TASP1: variants seen among roughly 807,000 people sequenced by gnomAD.
TASP1 encodes the protein threonine aspartase 1.
Under a neutral mutation model 56.6 loss-of-function variants are expected in TASP1, and 16 were observed. That is an observed-to-expected ratio of 0.28 (90% CI 0.19 to 0.43). The LOEUF (loss-of-function observed/expected upper bound fraction) is 0.43. Among genes scored for constraint, TASP1 ranks in the 20% least tolerant of loss-of-function variants. TASP1 has a pLI of 1.00. For missense variants in TASP1, 393 were observed against 511.6 expected, an observed-to-expected ratio of 0.77 and a Z score of 2.24; for synonymous variants, 179 against 184.2, an observed-to-expected ratio of 0.97 and a Z score of 0.23.
the TASP1 span, among the ~76,000 whole-genome samples, chr20:13,162,641 T>A: frequency 6.6e-6 from 1 of 152,230 alleles, no homozygotes; most frequent in South Asian, 2.1e-4. Flanking sequence ...CAATACTTAA[T>A]GTCTCCCTCT....
chr20:13,132,904 C>G, the TASP1 span: 1 of 153,162 alleles, frequency 6.5e-6, no homozygotes, highest in Non-Finnish European at 1.5e-5. Context: ...ATCTACCCTT[C>G]TCATGAAGTT....
At chr20:13,178,136 A>G in the TASP1 span, among the ~76,000 whole-genome samples, 2 of 152,210 alleles carry the variant, frequency 1.3e-5, no homozygotes, top group East Asian at 3.8e-4. Flanking sequence ...CAAAGGGTCA[A>G]CAAATACATG....
intron 10 of TASP1, among the ~76,000 whole-genome samples, chr20:13,526,612 C>A (rs1251328384): frequency 1.3e-5 from 2 of 152,138 alleles, no homozygotes; most frequent in Non-Finnish European, 1.5e-5. Flanking sequence ...TTCGATTCAA[C>A]ATTAATTCAT....
At chr20:13,361,463 C>T in the TASP1 span, among the ~76,000 whole-genome samples, 1 of 152,264 alleles carries the variant, frequency 6.6e-6, no homozygotes, top group East Asian at 1.9e-4. Context: ...GTAGAATGGA[C>T]TAAAGGTCTT....
the TASP1 span, chr20:13,126,620 G>A: frequency 1.6e-5 from 26 of 1,613,532 alleles, no homozygotes; most frequent in Middle Eastern, 3.3e-4. Flanking sequence ...GGGTTCACTC[G>A]CATAGTGCTG....
chr20:13,198,355 CGTT>C, the TASP1 span, among the ~76,000 whole-genome samples: 1 of 152,058 alleles, frequency 6.6e-6, no homozygotes, highest in Non-Finnish European at 1.5e-5. Context: ...GCTGACTTCT[CGTT>C]GTATCCCAAC....
Position 13,612,491 on chromosome 20 carries a change from A to AACACACACACAC in TASP1, c.282+10943_282+10954dup, listed in dbSNP as rs34343791. 2.3e-3 allele frequency among the ~76,000 whole-genome samples: 337 copies of AACACACACACAC among 144,092 alleles called. 4 individuals are homozygous for AACACACACACAC. Among genetic ancestry groups the AACACACACACAC allele is most frequent in the East Asian group, 7.6e-3 (37 of 4,878 alleles). 94.5% of individuals were successfully genotyped at this position (144,092 alleles called of 152,430 possible). A position where few individuals can be genotyped will look rare whatever the true frequency, so the allele number is the denominator to read the frequency against. ...TTTTTAGAACTAGTAATTTGTAGCA[A>AACACACACACAC]ACACACACACACACACACACACACA... On this transcript the variant is annotated intron_variant, in intron 4 of 13. Coordinates refer to ENST00000337743, the MANE Select transcript of TASP1 (RefSeq NM_017714.3).
the TASP1 span, among the ~76,000 whole-genome samples, chr20:13,353,603 G>A: frequency 6.6e-6 from 1 of 151,940 alleles, no homozygotes; most frequent in East Asian, 1.9e-4. Flanking sequence ...TAGTTAGCTG[G>A]AGTATCTACA....
chr20:13,608,222 C>T (rs1227929958), intron 4 of TASP1, among the ~76,000 whole-genome samples: 1 of 152,126 alleles, frequency 6.6e-6, no homozygotes, highest in Non-Finnish European at 1.5e-5. Context: ...TTCTGGTATC[C>T]CAACATCAGT....
chr20:13,163,242 C>T, the TASP1 span, among the ~76,000 whole-genome samples: 15 of 151,946 alleles, frequency 9.9e-5, no homozygotes, highest in African/African-American at 3.6e-4. Context: ...GTAGCATGTG[C>T]CTGTAATCCC....
intron 9 of TASP1, among the ~76,000 whole-genome samples, chr20:13,530,227 G>C (rs2045169007): frequency 1.3e-5 from 2 of 152,116 alleles, no homozygotes. Context: ...GTGACCCATA[G>C]TTGCTATCTC....
At chr20:13,376,451 A>G in the TASP1 span, among the ~76,000 whole-genome samples, 1 of 152,296 alleles carries the variant, frequency 6.6e-6, no homozygotes, top group East Asian at 1.9e-4. Flanking sequence ...TTTTGGTACC[A>G]GTACCATGCT....
chr20:13,179,745 C>T, the TASP1 span, among the ~76,000 whole-genome samples: 1 of 152,096 alleles, frequency 6.6e-6, no homozygotes, highest in Non-Finnish European at 1.5e-5. Flanking sequence ...TACAGAAACA[C>T]CTGGCCTTAT....
chr20:13,299,674 G>T, the TASP1 span: 2 of 498,346 alleles, frequency 4.0e-6, no homozygotes. This position sits in a 1 kb window ranked among gnomAD's most constrained non-coding sequence, Gnocchi z 5.8. Context: ...CTCCTTGAAA[G>T]TGCCCCTGGG....
the TASP1 span, among the ~76,000 whole-genome samples, chr20:13,265,358 T>A: frequency 6.6e-6 from 1 of 152,224 alleles, no homozygotes; most frequent in Non-Finnish European, 1.5e-5. Context: ...AATACCTACC[T>A]CAAATGGTAA....
chr20:13,264,682 G>A, the TASP1 span, among the ~76,000 whole-genome samples: 6 of 152,188 alleles, frequency 3.9e-5, no homozygotes, highest in South Asian at 4.1e-4. Context: ...GATGAGCAAC[G>A]CCAGCTATGC....
the TASP1 span, among the ~76,000 whole-genome samples, chr20:13,142,075 C>T: frequency 6.6e-6 from 1 of 152,194 alleles, no homozygotes; most frequent in Non-Finnish European, 1.5e-5. Context: ...TGTTCCAGAA[C>T]CTTCTGCCCC....
chr20:13,281,627 T>C, the TASP1 span, among the ~76,000 whole-genome samples: 2 of 152,306 alleles, frequency 1.3e-5, no homozygotes, highest in Middle Eastern at 3.4e-3. Flanking sequence ...TTGACCACTA[T>C]ACAATTCTGC....
chr20:13,557,572 G>GGTT (rs1293106640), intron 8 of TASP1, among the ~76,000 whole-genome samples: 12 of 99,734 alleles, frequency 1.2e-4, no homozygotes, highest in Non-Finnish European at 1.4e-4. Flanking sequence ...GATGTTTTTG[G>GGTT]TTTTTTTTTT....
Sources: gnomAD v4.1 joint callset for allele counts (sites outside exome capture counted in the v4.1 genomes callset) on GRCh38, gnomAD v4.1.1 for gene constraint, Gnocchi (gnomAD v3.1) non-coding constraint, MANE v1.5 for transcripts, NCBI Gene and HGNC (gene_info 2026-07-23, HGNC 2026-07-21) for gene names.